MMP17: variants seen among roughly 807,000 people sequenced by gnomAD.
MMP17 encodes matrix metallopeptidase 17.
Under a neutral mutation model 49.1 loss-of-function variants are expected in MMP17, and 54 were observed. The ratio of observed to expected loss-of-function variants is 1.10; its 90% CI spans 0.88 to 1.38. MMP17 has a LOEUF of 1.38. Among genes scored for constraint, MMP17 ranks in the 40% most tolerant of loss-of-function variants. The pLI, the probability that MMP17 is intolerant of heterozygous loss-of-function variation, is 0.00. For missense variants in MMP17, 837 were observed against 853.7 expected (o/e 0.98, Z 0.24); for synonymous variants, 397 against 383.1 (o/e 1.04, Z -0.42).
intron 4 of MMP17, among the ~76,000 whole-genome samples, 161 bp from the exon 5 acceptor site, chr12:131,841,463 G>T (rs1246344125): frequency 6.6e-6 from 1 of 152,164 alleles, no homozygotes; most frequent in African/African-American, 2.4e-5. Flanking sequence ...GCCCCCAGGG[G>T]AATCGCGTTA....
chr12:131,838,832 G>C, intron 3 of MMP17, 91 bp downstream of exon 3: 1 of 1,446,462 alleles, frequency 6.9e-7, no homozygotes, highest in East Asian at 2.5e-5. Context: ...AGGTGGGCGC[G>C]TGGCCAGGGT....
intron 5 of MMP17, among the ~76,000 whole-genome samples, chr12:131,842,653 A>G (rs12299044): frequency 0.073 from 11,095 of 151,798 alleles, 1,080 homozygotes; most frequent in African/African-American, 0.22. Context: ...GGTGCCTGTA[A>G]TCCCAGCTAC....
chr12:131,833,116 G>C (rs1886910980), intron 1 of MMP17, among the ~76,000 whole-genome samples: 1 of 152,240 alleles, frequency 6.6e-6, no homozygotes. Flanking sequence ...TAAACTGGGA[G>C]TAATAAGAAC....
chr12:131,847,568 C>A (rs991385454), intron 8 of MMP17, among the ~76,000 whole-genome samples: 2 of 152,238 alleles, frequency 1.3e-5, no homozygotes, highest in African/African-American at 4.8e-5. Context: ...GAGCAGGATC[C>A]CATCACGTGC....
chr12:131,844,046 G>A lies in MMP17; in HGVS notation c.933G>A (p.Leu311=), dbSNP rs1255976749. 1 of 1,569,510 alleles carries A rather than the reference G, an allele frequency of 6.4e-7. No individual in the cohort carries two copies. The highest frequency in any genetic ancestry group is 8.6e-7 in the Non-Finnish European group (1 of 1,159,698). Residue 311 remains leucine, a synonymous_variant, in exon 6 of 10, where the codon CTG becomes CTA. Transcript: ENST00000360564. Reference sequence around the variant, plus strand: ...CGGCGCAGCCCGAGGAGCCTCCCCTGCTGCCGGAGCCCCCAGACAACCGGT... The same window carrying A: ...CGGCGCAGCCCGAGGAGCCTCCCCTACTGCCGGAGCCCCCAGACAACCGGT... The part of the protein sequence containing the change: ...SPTAQPEEPP[L]LPEPPDNRSS...
chr12:131,840,424 G>T, intron 3 of MMP17, 149 bp from the exon 4 acceptor site: 1 of 794,144 alleles, frequency 1.3e-6, no homozygotes, highest in East Asian at 2.5e-5. Flanking sequence ...TGAGTGCATC[G>T]GATGACTCCT....
rs1233092726 is a variant in MMP17, at chr12:131,847,377, G to C, written c.1204+1928G>C. Among the ~76,000 whole-genome samples the C allele has an allele frequency of 5.7e-4, 83 of 144,998 alleles. No homozygotes were observed. The South Asian group carries it at 7.1e-3, about 12-fold the overall frequency. On this transcript the variant is annotated intron_variant, in intron 8 of 9. Transcript: ENST00000360564. ...GCAGTGAGGTGAGATCACACCACTG[G>C]ACTCCAGCCTGGGTGACAGAGCGAG...
At chr12:131,848,606 A>T (rs892448246) in intron 8 of MMP17, among the ~76,000 whole-genome samples, 1 of 136,992 alleles carries the variant, frequency 7.3e-6, no homozygotes, top group Non-Finnish European at 1.6e-5. Flanking sequence ...TCCCCTGGGC[A>T]CCCCCACTTC....
chr12:131,841,671 C>G lies in MMP17; in HGVS notation c.754C>G (p.His252Asp), dbSNP rs1593231355. ...TGCAGTGGCTGTCCACGAGTTTGGC[C>G]ACGCCATTGGGTTAAGCCATGTGGC... ...LFAVAVHEFGHAIGLSHVAAA... is the reference protein window; with the variant it reads ...LFAVAVHEFGDAIGLSHVAAA... Residue 252 changes from histidine (H) to aspartate (D), a missense_variant, in exon 5 of 10, where the codon CAC becomes GAC. Transcript: ENST00000360564. The G allele has an allele frequency of 1.9e-6, 3 of 1,614,090 alleles. No homozygotes were observed. The highest frequency in any genetic ancestry group is 2.2e-5 in the East Asian group (1 of 44,882).
In MMP17 at chr12:131,828,627, C is replaced by A; in HGVS notation, c.133C>A (p.Arg45Ser). The A allele has an allele frequency of 1.3e-6, 1 of 757,426 alleles. No homozygotes were observed. The highest frequency in any genetic ancestry group is 1.7e-6 in the Non-Finnish European group (1 of 601,250). The allele number at this position is 757,426 out of a possible 1,614,324, so 46.9% of individuals were successfully genotyped here. ...CTGCGCCGCGCCCGCACCCGCGCCG[C>A]GCGCCGAGGACCTCAGCCTGGGAGT... Reference protein sequence around the residue: ...GGCAAPAPAPRAEDLSLGVEW... With the variant: ...GGCAAPAPAPSAEDLSLGVEW... Residue 45 changes from arginine (R) to serine (S), a missense_variant, in exon 1 of 10, where the codon CGC becomes AGC. Physicochemically the swap from Arg to Ser is moderately radical, Grantham distance 110 (BLOSUM62 -1). Transcript: ENST00000360564.
rs766222530 is a variant in MMP17 at position 131,838,041 on chromosome 12, G to A, written c.160-154G>A. The A allele has an allele frequency of 5.0e-4, 481 of 957,074 alleles. No homozygotes were observed. Among genetic ancestry groups the A allele is most frequent in the Non-Finnish European group, 6.5e-4 (426 of 657,078 alleles). 59.3% of individuals were successfully genotyped at this position (957,074 alleles called of 1,614,324 possible). A position where few individuals can be genotyped will look rare whatever the true frequency, so the allele number is the denominator to read the frequency against. Reference sequence around the variant, plus strand: ...ATCAGGTTTATTAAGACACTTTTCCGGCAGCTGCCCAGGGAAGAGACAAGA... The same window carrying A: ...ATCAGGTTTATTAAGACACTTTTCCAGCAGCTGCCCAGGGAAGAGACAAGA... On this transcript the variant is annotated intron_variant, in intron 1 of 9. Transcript: ENST00000360564.
At chr12:131,829,590 C>T (rs919458663) in intron 1 of MMP17, among the ~76,000 whole-genome samples, 1 of 152,268 alleles carries the variant, frequency 6.6e-6, no homozygotes, top group Non-Finnish European at 1.5e-5. Flanking sequence ...CCGCCCCACA[C>T]AAGTACTCGG....
chr12:131,828,705 C>A, intron 1 of MMP17, 52 bp downstream of exon 1: 1 of 208,316 alleles, frequency 4.8e-6, no homozygotes, highest in Non-Finnish European at 9.0e-6. Flanking sequence ...AGCCGGGGGT[C>A]TCCGCGGGCC....
At chr12:131,841,312 A>G (rs1021032915) in intron 4 of MMP17, among the ~76,000 whole-genome samples, 1 of 152,192 alleles carries the variant, frequency 6.6e-6, no homozygotes, top group Non-Finnish European at 1.5e-5. Context: ...GCCTCAGGTC[A>G]TCCGACCGAC....
chr12:131,838,676 C>G lies in MMP17; in HGVS notation c.357C>G (p.Thr119=). ...RCSLPDLPVL[T]QARRRRQAPA... is the part of the protein sequence containing the mutation. ...CCCTGCCAGACCTCCCTGTCCTGACCCAGGCTCGCAGGAGACGCCAGGCTC... is the reference window on the plus strand; with the variant it reads ...CCCTGCCAGACCTCCCTGTCCTGACGCAGGCTCGCAGGAGACGCCAGGCTC... The change falls in exon 3 of 10, where the codon ACC becomes ACG. Residue 119 remains threonine, a synonymous_variant. Transcript: ENST00000360564. 1 of 1,610,098 alleles carries G rather than the reference C, an allele frequency of 6.2e-7. No individual in the cohort carries two copies. Among genetic ancestry groups the G allele is most frequent in the Non-Finnish European group, 8.5e-7 (1 of 1,179,272 alleles).
In MMP17 at chr12:131,847,266, T is replaced by A. The variant is rs548300144; in HGVS notation, c.1204+1817T>A. ...TCTCTACTACAAAATACAAAAAATT[T>A]GCCGGGCGTGGTGGCGGGCACCTGT... On this transcript the variant is annotated intron_variant, in intron 8 of 9. Coordinates refer to ENST00000360564, the MANE Select transcript of MMP17 (RefSeq NM_016155.7). 2.4e-4 allele frequency among the ~76,000 whole-genome samples: 36 copies of A among 151,244 alleles called. No homozygotes were observed. The East Asian group carries it at 2.8e-3, about 12-fold the overall frequency.
rs1321584847 is a variant in MMP17, at chr12:131,849,919, A to G, written c.1322A>G (p.Asp441Gly). Residue 441 changes from aspartate (D) to glycine (G), a missense_variant, in exon 9 of 10, where the codon GAC becomes GGC. Transcript: ENST00000360564. ...GCTGCCTTCTCCTGGGCCCACAATGACAGGACTTATTTCTTTAAGGACCAG... is the reference window on the plus strand; with the variant it reads ...GCTGCCTTCTCCTGGGCCCACAATGGCAGGACTTATTTCTTTAAGGACCAG... ...IDAAFSWAHN[D>G]RTYFFKDQLY... 2.5e-6 allele frequency: 4 copies of G among 1,614,024 alleles called. No homozygotes were observed. The highest frequency in any genetic ancestry group is 3.4e-6 in the Non-Finnish European group (4 of 1,180,006).
In MMP17 at chr12:131,850,936, T is replaced by C. The variant is rs1159682194; in HGVS notation, c.1474T>C (p.Phe492Leu). ...AMRWSDGASY[F>L]FRGQEYWKVL... ...CCTCCTCTTCTCAGGTGCCTCCTAC[T>C]TCTTCCGTGGCCAGGAGTACTGGAA... Residue 492 changes from phenylalanine to leucine, a missense_variant, in exon 10 of 10, where the codon TTC (phenylalanine) becomes CTC (leucine). Physicochemically the swap from Phe to Leu is conservative, Grantham distance 22. Coordinates refer to ENST00000360564, the MANE Select transcript of MMP17 (RefSeq NM_016155.7). 5.4e-6 allele frequency: 8 copies of C among 1,482,554 alleles called. No homozygotes were observed. The highest frequency in any genetic ancestry group is 6.3e-6 in the Non-Finnish European group (7 of 1,114,834). 91.8% of individuals were successfully genotyped at this position (1,482,554 alleles called of 1,614,324 possible). A position where few individuals can be genotyped will look rare whatever the true frequency, so the allele number is the denominator to read the frequency against.
chr12:131,849,016 A>C (rs927950443), intron 8 of MMP17, among the ~76,000 whole-genome samples: 2 of 152,084 alleles, frequency 1.3e-5, no homozygotes, highest in African/African-American at 2.4e-5. Context: ...GCACAATTTC[A>C]TACTCCCTCC....
Sources: gnomAD v4.1 joint callset for allele counts (sites outside exome capture counted in the v4.1 genomes callset) on GRCh38, gnomAD v4.1.1 for gene constraint, MANE v1.5 for transcripts, NCBI Gene and HGNC (gene_info 2026-07-23, HGNC 2026-07-21) for gene names.